Variants in USP22 observed in about 807,000 individuals in gnomAD.
The protein encoded by USP22 is ubiquitin carboxyl-terminal hydrolase 22.
USP22 carries 22 observed loss-of-function variants against 68.1 expected under a neutral mutation model. The ratio of observed to expected loss-of-function variants is 0.32; its 90% CI spans 0.23 to 0.46. The LOEUF (loss-of-function observed/expected upper bound fraction) is 0.46. Among genes scored for constraint, USP22 ranks in the 20% least tolerant of loss-of-function variants. USP22 has a pLI of 1.00. For synonymous variants in USP22, 279 were observed against 274.2 expected (o/e 1.02, Z -0.17); for missense variants, 433 against 695.8 (o/e 0.62, Z 4.25).
chr17:21,032,086 C>G (rs1288702431), intron 1 of USP22, among the ~76,000 whole-genome samples: 1 of 152,214 alleles, frequency 6.6e-6, no homozygotes, highest in Non-Finnish European at 1.5e-5. Flanking sequence ...CTGTAACCTT[C>G]TCTATGTTTA....
chr17:21,027,138 T>C (rs1972230634), intron 2 of USP22, among the ~76,000 whole-genome samples: 1 of 151,062 alleles, frequency 6.6e-6, no homozygotes, highest in Admixed American at 6.6e-5. Context: ...CCTCCCAAAG[T>C]GCTGGGATTC....
In USP22 at chr17:21,030,218, A is replaced by G. The variant is rs180677395; in HGVS notation, c.172-1544T>C. 2.3e-3 allele frequency among the ~76,000 whole-genome samples: 354 copies of G among 152,342 alleles called. 3 individuals are homozygous for G. Among genetic ancestry groups the G allele is most frequent in the African/African-American group, 8.3e-3 (344 of 41,580 alleles). Reference sequence around the variant, plus strand: ...CAATACCTAATACAAAGTAGATGCTATGCAAACAGTGGTTATAATATATTG... The same window carrying G: ...CAATACCTAATACAAAGTAGATGCTGTGCAAACAGTGGTTATAATATATTG... On this transcript the variant is annotated intron_variant, in intron 1 of 12. Transcript: ENST00000261497.
intron 8 of USP22, among the ~76,000 whole-genome samples, chr17:21,010,506 C>T (rs1235478739): frequency 1.3e-5 from 2 of 151,476 alleles, no homozygotes; most frequent in South Asian, 2.1e-4. Flanking sequence ...GTAAAACCCC[C>T]GCTCTACTAA....
intron 1 of USP22, 26 bp downstream of exon 1, chr17:21,042,639 G>A (rs1318607828): frequency 1.6e-6 from 2 of 1,259,496 alleles, no homozygotes; most frequent in Admixed American, 4.2e-5. Context: ...CCCCGAGCCC[G>A]CCGCGCGGTG....
At chr17:21,033,704 T>C (rs1232904507) in intron 1 of USP22, among the ~76,000 whole-genome samples, 2 of 152,118 alleles carry the variant, frequency 1.3e-5, no homozygotes, top group Non-Finnish European at 2.9e-5. Context: ...TTCTCTTCAG[T>C]GACTTTTTCA....
intron 8 of USP22, among the ~76,000 whole-genome samples, chr17:21,008,445 A>T (rs1294937782): frequency 2.6e-5 from 4 of 152,232 alleles, no homozygotes; most frequent in Non-Finnish European, 5.9e-5. Context: ...AAAAGGAAGG[A>T]ACTACTGATC....
chr17:21,030,496 G>A (rs758249062), intron 1 of USP22, among the ~76,000 whole-genome samples: 61 of 152,118 alleles, frequency 4.0e-4, no homozygotes, highest in African/African-American at 8.7e-4. Context: ...TCAATTAAAC[G>A]GGAAAAGATT....
At chr17:21,012,386 TC>T (rs1420948030) in intron 7 of USP22, among the ~76,000 whole-genome samples, 1 of 152,116 alleles carries the variant, frequency 6.6e-6, no homozygotes, top group Non-Finnish European at 1.5e-5. Flanking sequence ...AGAGACCACA[TC>T]TGAGAAGAAT....
In USP22 at chr17:21,004,356, T is replaced by C. The variant is rs111302797; in HGVS notation, c.1386-5A>G. 1.3e-4 allele frequency: 209 copies of C among 1,613,870 alleles called. 3 individuals are homozygous for C. In the African/African-American group the frequency reaches 2.1e-3, roughly 16 times the overall value. On this transcript the variant is annotated splice_polypyrimidine_tract_variant and splice_region_variant and intron_variant, in intron 11 of 12. Coordinates refer to ENST00000261497, the MANE Select transcript of USP22 (RefSeq NM_015276.2). ...ACAACAGCAAACAGGGAATACCTAGTGCAGGAGCAAAGGAGAGGGAGGGCG... is the reference window on the plus strand; with the variant it reads ...ACAACAGCAAACAGGGAATACCTAGCGCAGGAGCAAAGGAGAGGGAGGGCG...
chr17:21,002,705 G>GCGGT lies in USP22; in HGVS notation c.*322_*325dup. 3.0e-6 allele frequency: 1 copy of GCGGT among 330,114 alleles called. No homozygotes were observed. Among genetic ancestry groups the GCGGT allele is most frequent in the Non-Finnish European group, 5.9e-6 (1 of 170,022 alleles). 20.4% of individuals were successfully genotyped at this position (330,114 alleles called of 1,614,324 possible). A position where few individuals can be genotyped will look rare whatever the true frequency, so the allele number is the denominator to read the frequency against. On this transcript the variant is annotated 3_prime_UTR_variant, in exon 13 of 13. Coordinates refer to ENST00000261497, the MANE Select transcript of USP22 (RefSeq NM_015276.2). ...ACCGAGTGCTGGGGAACGCCAGGCA[G>GCGGT]CGGTCACTCTGTGCTGTGAGGCCCC...
At chr17:21,024,063 C>T (rs1972191028) in intron 2 of USP22, among the ~76,000 whole-genome samples, 1 of 152,168 alleles carries the variant, frequency 6.6e-6, no homozygotes, top group South Asian at 2.1e-4. Context: ...CCCAGGGCTA[C>T]CTTCTGCCCT....
chr17:21,038,931 G>C (rs767416783), intron 1 of USP22, among the ~76,000 whole-genome samples: 9 of 152,032 alleles, frequency 5.9e-5, no homozygotes, highest in Non-Finnish European at 1.3e-4. Context: ...CTGTGGTCGT[G>C]CCAGTCCTAA....
chr17:21,038,463 G>C (rs570118652), intron 1 of USP22, among the ~76,000 whole-genome samples: 1 of 152,014 alleles, frequency 6.6e-6, no homozygotes, highest in Non-Finnish European at 1.5e-5. Flanking sequence ...TAGCTCAGAA[G>C]TTCAAGACCA....
In USP22 at chr17:21,018,127, CAG is replaced by C. The variant is rs775630778; in HGVS notation, c.521-18_521-17del. On this transcript the variant is annotated splice_polypyrimidine_tract_variant and intron_variant, in intron 4 of 12. Transcript: ENST00000261497. ...CCACGCAGACCTGGACACAAATCACCAGAGAGCAGGAGTTACCTGTGTGCTGA... is the reference window on the plus strand; with the variant it reads ...CCACGCAGACCTGGACACAAATCACCAGAGCAGGAGTTACCTGTGTGCTGA... The C allele has an allele frequency of 2.6e-6, 4 of 1,566,020 alleles. No homozygotes were observed. Among genetic ancestry groups the C allele is most frequent in the Non-Finnish European group, 3.5e-6 (4 of 1,155,314 alleles).
At chr17:21,032,288 A>G (rs140325551) in intron 1 of USP22, among the ~76,000 whole-genome samples, 1 of 152,352 alleles carries the variant, frequency 6.6e-6, no homozygotes, top group African/African-American at 2.4e-5. Flanking sequence ...ATCGCCTAAC[A>G]ATGCATTTCT....
At chr17:21,036,653 G>A (rs940642250) in intron 1 of USP22, among the ~76,000 whole-genome samples, 1 of 152,114 alleles carries the variant, frequency 6.6e-6, no homozygotes, top group African/African-American at 2.4e-5. Context: ...CTGCTGGACA[G>A]AGAAGTTACA....
Position 21,042,838 on chromosome 17 carries a change from G to T in USP22, c.-3C>A, listed in dbSNP as rs1007368148. 3.9e-5 allele frequency: 52 copies of T among 1,319,994 alleles called. No individual in the cohort carries two copies. Among genetic ancestry groups the T allele is most frequent in the Non-Finnish European group, 4.9e-5 (51 of 1,031,550 alleles). 81.8% of individuals were successfully genotyped at this position (1,319,994 alleles called of 1,614,324 possible). On this transcript the variant is annotated 5_prime_UTR_variant, in exon 1 of 13. Coordinates refer to ENST00000261497, the MANE Select transcript of USP22 (RefSeq NM_015276.2). ...TCGGGCTCTGGCCGGGACACCATGG[G>T]GGGCAAGGCCCGGCCGCGCGCGGGG... is the stretch of plus-strand genomic sequence containing the variant.
At chr17:21,011,561 T>G in intron 7 of USP22, 1 of 460,248 alleles carries the variant, frequency 2.2e-6, no homozygotes, top group Non-Finnish European at 4.0e-6. Context: ...GACTTCCCAG[T>G]CTGGAGACCA....
chr17:21,042,635 G>A, intron 1 of USP22, 30 bp downstream of exon 1: 1 of 1,259,812 alleles, frequency 7.9e-7, no homozygotes, highest in Non-Finnish European at 1.0e-6. Flanking sequence ...AAGGCCCCGA[G>A]CCCGCCGCGC....
Sources: gnomAD v4.1 joint callset for allele counts (sites outside exome capture counted in the v4.1 genomes callset) on GRCh38, gnomAD v4.1.1 for gene constraint, MANE v1.5 for transcripts, NCBI Gene and HGNC (gene_info 2026-07-23, HGNC 2026-07-21) for gene names.